SMG7: variants seen among roughly 807,000 people sequenced by gnomAD.
SMG7 encodes nonsense-mediated mRNA decay factor SMG7.
Under a neutral mutation model 148.2 loss-of-function variants are expected in SMG7, and 34 were observed. The observed-to-expected ratio is 0.23, with a 90% CI of 0.17 to 0.31. SMG7 has a LOEUF of 0.31. Among genes scored for constraint, SMG7 ranks in the 10% least tolerant of loss-of-function variants. The pLI is 1.00. For synonymous variants in SMG7, 492 were observed against 515.1 expected (o/e 0.96, Z 0.61); for missense variants, 1,114 against 1,408.4 (o/e 0.79, Z 3.35).
At chr1:183,538,290 A>G in intron 11 of SMG7, 90 bp from the exon 12 acceptor site, 1 of 807,972 alleles carries the variant, frequency 1.2e-6, no homozygotes, top group Non-Finnish European at 2.2e-6. Context: ...TTCTTTCTGT[A>G]TGTTAATTTT....
Position 183,526,688 on chromosome 1 carries a change from T to TACC in SMG7, c.407_409dup (p.Thr136dup), listed in dbSNP as rs768751308. The TACC allele has an allele frequency of 8.7e-6, 14 of 1,613,828 alleles. No individual in the cohort carries two copies. The highest frequency in any genetic ancestry group is 1.2e-5 in the Non-Finnish European group (14 of 1,179,816). ...GAATTATCAGCAATAAACAGACGCA[T>TACC]ACCAGCGCCATAGTGAAGCCACAGT... On this transcript the variant is annotated inframe_insertion, in exon 5 of 23. Coordinates refer to ENST00000688051, the MANE Select transcript of SMG7 (RefSeq NM_001375584.1).
At chr1:183,491,481 G>A (rs771384386) in intron 1 of SMG7, among the ~76,000 whole-genome samples, 2 of 152,116 alleles carry the variant, frequency 1.3e-5, no homozygotes, top group Non-Finnish European at 2.9e-5. Flanking sequence ...GGATATAAAT[G>A]TGTGCATGTG....
rs1221857498 is a variant in SMG7, at chr1:183,494,686, A to G, written c.30-18151A>G. Among the ~76,000 whole-genome samples the G allele has an allele frequency of 3.1e-5, 4 of 129,280 alleles. No individual in the cohort carries two copies. The East Asian group carries it at 9.0e-4, about 29-fold the overall frequency. The allele number at this position is 129,280 out of a possible 152,430, so 84.8% of individuals were successfully genotyped here. ...TATAGATTGGCATTTTTTCCCTAGTATTTTAAAGATGTTATTCTATTATCT... is the reference window on the plus strand; with the variant it reads ...TATAGATTGGCATTTTTTCCCTAGTGTTTTAAAGATGTTATTCTATTATCT... On this transcript the variant is annotated intron_variant, in intron 1 of 22. Coordinates refer to ENST00000688051, the MANE Select transcript of SMG7 (RefSeq NM_001375584.1).
intron 1 of SMG7, among the ~76,000 whole-genome samples, chr1:183,480,054 G>A (rs1289830665): frequency 6.6e-6 from 1 of 152,138 alleles, no homozygotes; most frequent in Non-Finnish European, 1.5e-5. Context: ...ATGTGGAAGT[G>A]GTAGTTCAAA....
At chr1:183,492,231 C>G (rs571422052) in intron 1 of SMG7, among the ~76,000 whole-genome samples, 16 of 152,074 alleles carry the variant, frequency 1.1e-4, no homozygotes, top group Non-Finnish European at 1.9e-4. Context: ...TAATTTTTTT[C>G]TAGTTTTAAA....
chr1:183,514,230 A>G (rs1163333751), intron 2 of SMG7, among the ~76,000 whole-genome samples: 3 of 151,788 alleles, frequency 2.0e-5, no homozygotes, highest in African/African-American at 4.8e-5. Context: ...AAAAAAAAAA[A>G]AAAGAATTAA....
At chr1:183,550,976 C>T in intron 21 of SMG7, 55 bp downstream of exon 21, 1 of 1,613,442 alleles carries the variant, frequency 6.2e-7, no homozygotes, top group Middle Eastern at 1.7e-4. Context: ...TCTATCCTTC[C>T]CTGGGGTCTG....
intron 1 of SMG7, chr1:183,502,500 G>T: frequency 1.1e-6 from 1 of 931,062 alleles, no homozygotes; most frequent in South Asian, 2.7e-5. Flanking sequence ...TGAAACATTT[G>T]ATTTTGGCCA....
intron 15 of SMG7, 23 bp from the exon 16 acceptor site, chr1:183,544,907 A>G: frequency 1.0e-5 from 16 of 1,593,584 alleles, no homozygotes; most frequent in Non-Finnish European, 1.4e-5. Flanking sequence ...TTAAAACTAA[A>G]GCTGTGTTCT....
intron 3 of SMG7, among the ~76,000 whole-genome samples, chr1:183,517,431 A>G (rs1663794264): frequency 6.6e-6 from 1 of 152,190 alleles, no homozygotes; most frequent in Non-Finnish European, 1.5e-5. Context: ...AGTAGTTCTA[A>G]AAGATTAATA....
At chr1:183,502,412 G>A in intron 1 of SMG7, 1 of 1,517,084 alleles carries the variant, frequency 6.6e-7, no homozygotes, top group Non-Finnish European at 8.8e-7. Flanking sequence ...AATTACAAGG[G>A]ATTTCTACAT....
rs763133534 is a variant in SMG7 at position 183,526,694 on chromosome 1, C to T, written c.411C>T (p.Ser137=). 47 of 1,613,654 alleles carry T rather than the reference C, an allele frequency of 2.9e-5. No individual in the cohort carries two copies. Among genetic ancestry groups the T allele is most frequent in the Middle Eastern group, 1.6e-4 (1 of 6,082 alleles). The change falls in exon 5 of 23, where the codon AGC becomes AGT. Residue 137 remains serine (S), a synonymous_variant. Coordinates refer to ENST00000688051, the MANE Select transcript of SMG7 (RefSeq NM_001375584.1). ...TCAGCAATAAACAGACGCATACCAG[C>T]GCCATAGTGAAGCCACAGTCTAGCT... The part of the protein sequence containing the change: ...GIISNKQTHT[S]AIVKPQSSSC...
intron 18 of SMG7, among the ~76,000 whole-genome samples, chr1:183,548,496 GT>G (rs145807349): frequency 6.7e-6 from 1 of 150,214 alleles, no homozygotes; most frequent in African/African-American, 2.5e-5. Context: ...TATTTTCAGG[GT>G]TTTTTTTTCA....
chr1:183,502,526 A>G, intron 1 of SMG7: 1 of 605,184 alleles, frequency 1.7e-6, no homozygotes, highest in Non-Finnish European at 2.6e-6. Context: ...GGGATGGGGC[A>G]TGCTAAAGTT....
At chr1:183,488,947 G>T (rs1656223708) in intron 1 of SMG7, among the ~76,000 whole-genome samples, 1 of 152,128 alleles carries the variant, frequency 6.6e-6, no homozygotes, top group Non-Finnish European at 1.5e-5. Flanking sequence ...GCCTCCCAAA[G>T]TGCTGGGATT....
At chr1:183,531,445 C>T (rs566898493) in intron 8 of SMG7, among the ~76,000 whole-genome samples, 17 of 152,232 alleles carry the variant, frequency 1.1e-4, no homozygotes, top group African/African-American at 3.8e-4. Flanking sequence ...GGAAGACTCT[C>T]TACAATATAA....
intron 8 of SMG7, among the ~76,000 whole-genome samples, chr1:183,530,248 C>T (rs1666623947): frequency 6.6e-6 from 1 of 152,056 alleles, no homozygotes; most frequent in Non-Finnish European, 1.5e-5. Context: ...TATCTATATA[C>T]TTGGGTAATT....
At chr1:183,484,461 T>C (rs1441521700) in intron 1 of SMG7, among the ~76,000 whole-genome samples, 1 of 151,974 alleles carries the variant, frequency 6.6e-6, no homozygotes, top group African/African-American at 2.4e-5. Context: ...TGCTTTCTGC[T>C]TTTTTGTTAC....
chr1:183,526,501 C>A, intron 4 of SMG7, 95 bp from the exon 5 acceptor site: 2 of 730,258 alleles, frequency 2.7e-6, no homozygotes, highest in Non-Finnish European at 4.4e-6. Flanking sequence ...CAGATTTCAG[C>A]AGTATGTGGT....
Sources: gnomAD v4.1 joint callset for allele counts (sites outside exome capture counted in the v4.1 genomes callset) on GRCh38, gnomAD v4.1.1 for gene constraint, MANE v1.5 for transcripts, NCBI Gene and HGNC (gene_info 2026-07-23, HGNC 2026-07-21) for gene names.